The following SHANK1 variants were observed in gnomAD, a reference collection of about 807,000 sequenced individuals.
The protein encoded by SHANK1 is SH3 and multiple ankyrin repeat domains 1.
Under a neutral mutation model 165.6 loss-of-function variants are expected in SHANK1, and 35 were observed. The ratio of observed to expected loss-of-function variants is 0.21; its 90% CI spans 0.16 to 0.28. The LOEUF (loss-of-function observed/expected upper bound fraction) is 0.28. SHANK1 is among the 10% of genes least tolerant of loss of function. The probability of loss-of-function intolerance (pLI) is 1.00; values close to 1 mark genes in which losing one functional copy is unlikely to be tolerated. For synonymous variants in SHANK1, 1,428 were observed against 1,384.8 expected (o/e 1.03, Z -0.69); for missense variants, 2,681 against 3,036.4 (o/e 0.88, Z 2.75).
Position 50,668,397 on chromosome 19 carries a change from G to T in SHANK1, c.3563C>A (p.Thr1188Lys), listed in dbSNP as rs1985648610. 7.6e-7 allele frequency: 1 copy of T among 1,315,476 alleles called. No individual in the cohort carries two copies. Among genetic ancestry groups the T allele is most frequent in the Non-Finnish European group, 9.7e-7 (1 of 1,030,266 alleles). The allele number at this position is 1,315,476 out of a possible 1,614,324, so 81.5% of individuals were successfully genotyped here. A position where few individuals can be genotyped will look rare whatever the true frequency, so the allele number is the denominator to read the frequency against. The change falls in exon 23 of 24, where the codon ACG becomes AAG. Residue 1188 changes from threonine (T) to lysine (K), a missense_variant. Thr to Lys is a moderately conservative substitution (Grantham distance 78, BLOSUM62 -1). Coordinates refer to ENST00000293441, the MANE Select transcript of SHANK1 (RefSeq NM_016148.5). ...GGAGCCGCCGCCGCCGCCGCCTCCC[G>T]TGGGCTCCGGCTGGGTGGGGGGCTC... ...EAEPPTQPEP[T>K]GGGGGGGSSP...
chr19:50,680,875 C>T (rs1032926737), intron 21 of SHANK1, among the ~76,000 whole-genome samples: 7 of 152,180 alleles, frequency 4.6e-5, no homozygotes, highest in Admixed American at 4.6e-4. Context: ...AGGCTGGTCT[C>T]AAACTCCTGA....
Position 50,718,724 on chromosome 19 carries a change from G to A in SHANK1, c.-44+682C>T, listed in dbSNP as rs908363673. Among the ~76,000 whole-genome samples the A allele has an allele frequency of 6.6e-6, 1 of 151,270 alleles. No individual in the cohort carries two copies. The highest frequency in any genetic ancestry group is 1.5e-5 in the Non-Finnish European group (1 of 67,758). On this transcript the variant is annotated intron_variant, in intron 1 of 23. Coordinates refer to ENST00000293441, the MANE Select transcript of SHANK1 (RefSeq NM_016148.5). This position sits in a 1 kb window ranked among gnomAD's most constrained non-coding sequence, Gnocchi z 5.1. Reference sequence around the variant, plus strand: ...GAGAGCGGGGCCGGGGAGAATGAATGGAGGCGGAGGGAGGCGGGGAGGGGC... The same window carrying A: ...GAGAGCGGGGCCGGGGAGAATGAATAGAGGCGGAGGGAGGCGGGGAGGGGC...
At chr19:50,704,566 A>G (rs955866346) in intron 8 of SHANK1, 52 bp from the exon 9 acceptor site, 1 of 1,508,472 alleles carries the variant, frequency 6.6e-7, no homozygotes, top group African/African-American at 1.4e-5. Flanking sequence ...AAAAATTAAG[A>G]TCACCATGAG....
At chr19:50,666,028 A>C (rs1985491548) in intron 23 of SHANK1, among the ~76,000 whole-genome samples, 164 bp downstream of exon 23, 1 of 147,388 alleles carries the variant, frequency 6.8e-6, no homozygotes, top group African/African-American at 2.5e-5. Context: ...AGAAAAGAAA[A>C]AAAAAAAAAG....
chr19:50,692,948 C>G (rs2123146478), intron 15 of SHANK1, among the ~76,000 whole-genome samples: 1 of 150,782 alleles, frequency 6.6e-6, no homozygotes, highest in Non-Finnish European at 1.5e-5. Context: ...CACCCTTGTC[C>G]TGCGACCTCT....
At position 50,666,989 on chromosome 19, in the gene SHANK1, A is replaced by G. The variant is rs1265328762; in HGVS notation, c.4971T>C (p.Ala1657=). 1.3e-6 allele frequency: 2 copies of G among 1,575,182 alleles called. No homozygotes were observed. The highest frequency in any genetic ancestry group is 1.7e-5 in the Admixed American group (1 of 57,200). Residue 1657 remains alanine, a synonymous_variant, in exon 23 of 24, where the codon GCT becomes GCC. Transcript: ENST00000293441. ...PPGPPAPAAP[A]PAAPQPGPDP... ...CCGGGCCAGGCTGTGGGGCAGCGGG[A>G]GCCGGTGCTGCTGGGGCAGGCGGGC...
chr19:50,673,948 C>A (rs555579210), intron 21 of SHANK1, among the ~76,000 whole-genome samples: 1 of 152,086 alleles, frequency 6.6e-6, no homozygotes, highest in South Asian at 2.1e-4. Context: ...GGCACAATCA[C>A]ATCCAGTTAA....
At chr19:50,715,612 C>T in intron 4 of SHANK1, 47 bp downstream of exon 4, 1 of 1,545,648 alleles carries the variant, frequency 6.5e-7, no homozygotes, top group Non-Finnish European at 8.9e-7. Context: ...TAGGGGGCTC[C>T]AGTGGTAGGG....
At chr19:50,663,937 TC>T (rs1365292163) in intron 23 of SHANK1, among the ~76,000 whole-genome samples, 72 of 66,924 alleles carry the variant, frequency 1.1e-3, no homozygotes, top group Non-Finnish European at 1.3e-3. Context: ...TCTCTCTCTC[TC>T]TCTTTTTTTT....
Position 50,662,700 on chromosome 19 carries a change from G to A in SHANK1, c.5769-18C>T. 6.4e-7 allele frequency: 1 copy of A among 1,557,368 alleles called. No homozygotes were observed. Among genetic ancestry groups the A allele is most frequent in the African/African-American group, 1.4e-5 (1 of 73,358 alleles). On this transcript the variant is annotated intron_variant, in intron 23 of 23. Transcript: ENST00000293441. This position sits in a 1 kb window ranked among gnomAD's most constrained non-coding sequence, Gnocchi z 7.7. ...CGGAGAGTCTGGAATGTGACAAGGG[G>A]GCAGTGGGGGAGGACAGGGATTTAG...
In SHANK1 at chr19:50,660,766, C is replaced by T. The variant is rs1985175764; in HGVS notation, c.*1199G>A. Among the ~76,000 whole-genome samples, 1 of 136,146 alleles carries T rather than the reference C, an allele frequency of 7.3e-6. No individual in the cohort carries two copies. Among genetic ancestry groups the T allele is most frequent in the Non-Finnish European group, 1.5e-5 (1 of 65,190 alleles). The allele number at this position is 136,146 out of a possible 152,430, so 89.3% of individuals were successfully genotyped here. On this transcript the variant is annotated 3_prime_UTR_variant, in exon 24 of 24. Coordinates refer to ENST00000293441, the MANE Select transcript of SHANK1 (RefSeq NM_016148.5). ...GCAAAAGCAAGTGTGCAAGAGGGTTCACAAAAGAATCAAAAATGCAGAAGG... is the reference window on the plus strand; with the variant it reads ...GCAAAAGCAAGTGTGCAAGAGGGTTTACAAAAGAATCAAAAATGCAGAAGG...
At chr19:50,709,556 A>G (rs576439211) in intron 8 of SHANK1, among the ~76,000 whole-genome samples, 3 of 146,008 alleles carry the variant, frequency 2.1e-5, no homozygotes, top group African/African-American at 7.5e-5. Flanking sequence ...TCTAATTCTA[A>G]TTTTTTTTTT....
chr19:50,662,548 G>A lies in SHANK1; in HGVS notation c.5903C>T (p.Ala1968Val), dbSNP rs1274078084. ...GGAGGAGGAGGCTGAGGGTGAGGTGGCCCCTGGGGCCGCAGCGGCTGTAGG... is the reference window on the plus strand; with the variant it reads ...GGAGGAGGAGGCTGAGGGTGAGGTGACCCCTGGGGCCGCAGCGGCTGTAGG... ...VSPTAAAAPG[A>V]TSPSASSSST... The change falls in exon 24 of 24, where the codon GCC becomes GTC. Residue 1968 changes from alanine (A) to valine (V), a missense_variant. Coordinates refer to ENST00000293441, the MANE Select transcript of SHANK1 (RefSeq NM_016148.5). This position sits in a 1 kb window ranked among gnomAD's most constrained non-coding sequence, Gnocchi z 7.7. The A allele has an allele frequency of 3.2e-6, 5 of 1,560,942 alleles. No individual in the cohort carries two copies. Among genetic ancestry groups the A allele is most frequent in the Non-Finnish European group, 4.3e-6 (5 of 1,152,222 alleles).
chr19:50,706,539 C>T (rs1041639199), intron 8 of SHANK1, among the ~76,000 whole-genome samples: 4 of 152,002 alleles, frequency 2.6e-5, no homozygotes, highest in Admixed American at 2.0e-4. Flanking sequence ...GCCCTTGCTC[C>T]CAGGCTGCAG....
intron 8 of SHANK1, among the ~76,000 whole-genome samples, chr19:50,710,214 C>T (rs781411062): frequency 6.6e-5 from 10 of 152,122 alleles, no homozygotes; most frequent in Non-Finnish European, 1.5e-4. Flanking sequence ...AGAGAAGTGC[C>T]GGCACCATGT....
chr19:50,679,903 GAGAGAC>G (rs776672326), intron 21 of SHANK1, among the ~76,000 whole-genome samples: 7 of 152,104 alleles, frequency 4.6e-5, no homozygotes, highest in South Asian at 2.1e-4. Context: ...GACAGAGATG[GAGAGAC>G]AGAGACAGAG....
At chr19:50,698,086 G>A in intron 12 of SHANK1, 130 bp from the exon 13 acceptor site, 2 of 684,032 alleles carry the variant, frequency 2.9e-6, no homozygotes, top group South Asian at 3.4e-5. Flanking sequence ...ATAAACATCT[G>A]AGGAAGGGGC....
intron 15 of SHANK1, among the ~76,000 whole-genome samples, chr19:50,695,825 G>T (rs1168707893): frequency 1.3e-5 from 2 of 151,966 alleles, no homozygotes; most frequent in African/African-American, 4.8e-5. Flanking sequence ...CCAGGCGGAG[G>T]GGCGAACACA....
chr19:50,703,625 G>A lies in SHANK1; in HGVS notation c.1428C>T (p.Ala476=). ...SGSQGQSQPS[A]PTTKLSSGTL... is the part of the protein sequence containing the mutation. ...TCCCGCTGCTGAGCTTGGTGGTGGGGGCCGAGGGCTGCGACTGGCCCTGGG... is the reference window on the plus strand; with the variant it reads ...TCCCGCTGCTGAGCTTGGTGGTGGGAGCCGAGGGCTGCGACTGGCCCTGGG... Residue 476 remains alanine, a synonymous_variant, in exon 11 of 24, where the codon GCC becomes GCT. Coordinates refer to ENST00000293441, the MANE Select transcript of SHANK1 (RefSeq NM_016148.5). The A allele has an allele frequency of 3.9e-6, 6 of 1,551,726 alleles. No individual in the cohort carries two copies. Among genetic ancestry groups the A allele is most frequent in the South Asian group, 1.2e-5 (1 of 84,294 alleles).
Sources: gnomAD v4.1 joint callset for allele counts (sites outside exome capture counted in the v4.1 genomes callset) on GRCh38, gnomAD v4.1.1 for gene constraint, Gnocchi (gnomAD v3.1) non-coding constraint, MANE v1.5 for transcripts, NCBI Gene and HGNC (gene_info 2026-07-23, HGNC 2026-07-21) for gene names.